TMTC4: variants seen among roughly 807,000 people sequenced by gnomAD.
TMTC4 encodes the protein protein O-mannosyl-transferase TMTC4.
TMTC4 carries 65 observed loss-of-function variants against 86.0 expected under a neutral mutation model. The observed-to-expected ratio is 0.76, with a 90% confidence interval of 0.62 to 0.93. The LOEUF (loss-of-function observed/expected upper bound fraction) is 0.93. TMTC4 is among the 40% of genes least tolerant of loss of function. The pLI, the probability that TMTC4 is intolerant of heterozygous loss-of-function variation, is 0.00. For synonymous variants in TMTC4, 379 were observed against 382.5 expected (o/e 0.99, Z 0.11); for missense variants, 866 against 948.1 (o/e 0.91, Z 1.14).
At chr13:100,674,914 GTC>G (rs1203613852), upstream of TMTC4, 15 of 984,552 alleles carry the variant, frequency 1.5e-5, no homozygotes, top group Non-Finnish European at 1.8e-5. Flanking sequence ...CCCAGCACCA[GTC>G]TCGGCCCGCC....
Position 100,625,661 on chromosome 13 carries a change from A to C in TMTC4, c.1710T>G (p.Ala570=). Residue 570 remains alanine, a synonymous_variant, in exon 15 of 19, where the codon GCT becomes GCG. Coordinates refer to ENST00000342624, the MANE Select transcript of TMTC4 (RefSeq NM_032813.5). ...GCACTATGCCTAGATTCATCCACGCAGCGGCAAAGTCTGGCCTAGAGGAGC... is the reference window on the plus strand; with the variant it reads ...GCACTATGCCTAGATTCATCCACGCCGCGGCAAAGTCTGGCCTAGAGGAGC... ...LAVQIQPDFA[A]AWMNLGIVQN... is the part of the protein sequence containing the mutation. 1 of 1,614,180 alleles carries C rather than the reference A, an allele frequency of 6.2e-7. No homozygotes were observed. The highest frequency in any genetic ancestry group is 8.5e-7 in the Non-Finnish European group (1 of 1,180,006).
rs529835816 is a variant in TMTC4 at position 100,637,583 on chromosome 13, G to A, written c.954C>T (p.Thr318=). The change falls in exon 9 of 19, where the codon ACC becomes ACT. Residue 318 remains threonine, a synonymous_variant. Transcript: ENST00000342624. ...CAAAGGAGGCCGGGTTGTCCACCTC[G>A]GTGAAGGCCGGCGGGCCCGTGCCCA... ...RIMGTGPPAF[T]EVDNPASFAD... The A allele has an allele frequency of 5.9e-5, 96 of 1,614,176 alleles. No homozygotes were observed. Among genetic ancestry groups the A allele is most frequent in the Admixed American group, 8.3e-5 (5 of 60,032 alleles).
At chr13:100,662,910 G>C in intron 5 of TMTC4, 54 bp downstream of exon 5, 1 of 1,587,712 alleles carries the variant, frequency 6.3e-7, no homozygotes, top group Non-Finnish European at 8.6e-7. Flanking sequence ...GCGACATGGG[G>C]GTGTCATATC....
chr13:100,674,888 A>G (rs1459105268), upstream of TMTC4: 26 of 964,552 alleles, frequency 2.7e-5, no homozygotes, highest in Middle Eastern at 5.4e-4. Flanking sequence ...GCAGCTCCCC[A>G]CGCGCGCGGG....
intron 1 of TMTC4, chr13:100,674,450 A>C: frequency 1.1e-6 from 1 of 883,824 alleles, no homozygotes; most frequent in Non-Finnish European, 1.3e-6. Flanking sequence ...GGGGGCGGCG[A>C]CCTCTGCCCG....
At chr13:100,634,683 C>A (rs533910550) in intron 12 of TMTC4, 122 bp downstream of exon 12, 38 of 1,221,998 alleles carry the variant, frequency 3.1e-5, no homozygotes, top group African/African-American at 1.1e-4. Context: ...CAAAGAAAAA[C>A]CCAAGTATTC....
intron 15 of TMTC4, among the ~76,000 whole-genome samples, chr13:100,615,449 T>C (rs1241901119): frequency 6.8e-6 from 1 of 146,062 alleles, no homozygotes; most frequent in African/African-American, 2.6e-5. Context: ...CGTATGTACG[T>C]ATTTAGAAAC....
At chr13:100,608,024 T>C (rs946210657) in intron 17 of TMTC4, among the ~76,000 whole-genome samples, 5 of 152,192 alleles carry the variant, frequency 3.3e-5, no homozygotes, top group African/African-American at 1.2e-4. Flanking sequence ...AACATTTCCA[T>C]TTAAAACCTA....
chr13:100,635,224 G>A (rs371959966), intron 10 of TMTC4, 29 bp from the exon 11 acceptor site: 11 of 1,512,690 alleles, frequency 7.3e-6, no homozygotes, highest in African/African-American at 5.6e-5. Context: ...TTAAATAAAT[G>A]GCTATTTCCA....
At chr13:100,664,626 C>T (rs1284744228) in intron 3 of TMTC4, among the ~76,000 whole-genome samples, 1 of 152,182 alleles carries the variant, frequency 6.6e-6, no homozygotes, top group Non-Finnish European at 1.5e-5. Context: ...CTTCTGCCAG[C>T]TCCCAACCCA....
In TMTC4 at chr13:100,630,065, GTA is replaced by G. The variant is rs1356430187; in HGVS notation, c.1507-3917_1507-3916del. 3.9e-3 allele frequency among the ~76,000 whole-genome samples: 554 copies of G among 142,620 alleles called. 1 individual carries two copies. Among genetic ancestry groups the G allele is most frequent in the African/African-American group, 0.015 (522 of 34,808 alleles). The allele number at this position is 142,620 out of a possible 152,430, so 93.6% of individuals were successfully genotyped here. On this transcript the variant is annotated intron_variant, in intron 12 of 18. Coordinates refer to ENST00000342624, the MANE Select transcript of TMTC4 (RefSeq NM_032813.5). ...TGTGTGTGTGTGTGTGTGTGTGTGT[GTA>G]TGTGTGTGTGTGTGTTTATAGCAGC...
rs1316588987 is a variant in TMTC4 at position 100,655,864 on chromosome 13, G to GA, written c.640+516_640+517insT. ...GCACTGGCACAGGCTAGGGCCACTG[G>GA]GTCACCTTTCTGCTGTGCCTTAGGG... On this transcript the variant is annotated intron_variant, in intron 6 of 18. Coordinates refer to ENST00000342624, the MANE Select transcript of TMTC4 (RefSeq NM_032813.5). Among the ~76,000 whole-genome samples, 3 of 151,878 alleles carry GA rather than the reference G, an allele frequency of 2.0e-5. No homozygotes were observed. The East Asian group carries it at 5.8e-4, about 29-fold the overall frequency.
Position 100,674,731 on chromosome 13 carries a change from C to G in TMTC4, c.-208+13G>C. 1.0e-6 allele frequency: 1 copy of G among 983,556 alleles called. No homozygotes were observed. Among genetic ancestry groups the G allele is most frequent in the Non-Finnish European group, 1.2e-6 (1 of 829,182 alleles). 60.9% of individuals were successfully genotyped at this position (983,556 alleles called of 1,614,324 possible). ...GGCGCGCTCGGCCCTGCAGGGGCCG[C>G]CCCGCGCGTTACCTGCAAGGAGCCT... On this transcript the variant is annotated intron_variant, in intron 1 of 18. Transcript: ENST00000342624.
rs762050345 is a variant in TMTC4 at position 100,637,562 on chromosome 13, G to A, written c.975C>T (p.Ser325=). ...PAFTEVDNPA[S]FADSMLVRAV... is the part of the protein sequence containing the mutation. ...CCCTCACCAGCATGCTGTCAGCAAA[G>A]GAGGCCGGGTTGTCCACCTCGGTGA... Residue 325 remains serine, a synonymous_variant, in exon 9 of 19, where the codon TCC becomes TCT. Transcript: ENST00000342624. 6.2e-7 allele frequency: 1 copy of A among 1,614,004 alleles called. No individual in the cohort carries two copies. The highest frequency in any genetic ancestry group is 8.5e-7 in the Non-Finnish European group (1 of 1,179,936).
At chr13:100,674,666 G>C in intron 1 of TMTC4, 78 bp downstream of exon 1, 1 of 982,932 alleles carries the variant, frequency 1.0e-6, no homozygotes, top group Non-Finnish European at 1.2e-6. Context: ...CGGCAGCGGG[G>C]AACCCGCGCC....
intron 5 of TMTC4, among the ~76,000 whole-genome samples, chr13:100,658,374 G>A (rs1885360600): frequency 6.6e-6 from 1 of 152,112 alleles, no homozygotes. Context: ...TGGTCCTCAC[G>A]CCAGGAGGAC....
intron 7 of TMTC4, 105 bp from the exon 8 acceptor site, chr13:100,638,127 A>ATCC: frequency 1.2e-6 from 1 of 807,034 alleles, no homozygotes; most frequent in Non-Finnish European, 2.0e-6. Context: ...GAACACATAG[A>ATCC]CTAGAGAATC....
chr13:100,656,364 G>A lies in TMTC4; in HGVS notation c.640+17C>T. On this transcript the variant is annotated intron_variant, in intron 6 of 18. Transcript: ENST00000342624. ...ATGAAGAAGGTGGAAAATTAAGAAGGCAAACAGAATGCTTACTTTCTCTAA... is the reference window on the plus strand; with the variant it reads ...ATGAAGAAGGTGGAAAATTAAGAAGACAAACAGAATGCTTACTTTCTCTAA... 1 of 1,600,890 alleles carries A rather than the reference G, an allele frequency of 6.2e-7. No individual in the cohort carries two copies. Among genetic ancestry groups the A allele is most frequent in the Non-Finnish European group, 8.5e-7 (1 of 1,173,768 alleles).
intron 12 of TMTC4, among the ~76,000 whole-genome samples, chr13:100,631,980 G>A (rs1881427840): frequency 6.8e-6 from 1 of 148,002 alleles, no homozygotes; most frequent in African/African-American, 2.5e-5. Context: ...TTTTGAAGAT[G>A]AGGTCTTATA....
Sources: allele counts gnomAD v4.1 joint callset (sites outside exome capture counted in the v4.1 genomes callset), GRCh38; gene constraint gnomAD v4.1.1; transcripts MANE v1.5; gene names NCBI Gene and HGNC (gene_info 2026-07-23, HGNC 2026-07-21).